Variants in KBTBD13 observed in about 807,000 individuals in gnomAD.
KBTBD13 encodes kelch repeat and BTB domain-containing protein 13.
A neutral mutation model predicts 25.4 loss-of-function variants in KBTBD13; 32 were observed. The ratio of observed to expected loss-of-function variants is 1.26; its 90% CI spans 0.95 to 1.69. KBTBD13 has a LOEUF of 1.69. Ranked by LOEUF, KBTBD13 falls within the 40% of genes most tolerant of loss-of-function variation. KBTBD13 has a pLI of 0.00. For synonymous variants in KBTBD13, 436 were observed against 329.8 expected, an observed-to-expected ratio of 1.32 and a Z score of -3.49; for missense variants, 898 against 679.5, an observed-to-expected ratio of 1.32 and a Z score of -3.57.
At position 65,077,789 on chromosome 15, in the gene KBTBD13, T is replaced by C; in HGVS notation, c.974T>C (p.Val325Ala). The change falls in exon 1 of 1, where the codon GTG (valine) becomes GCG (alanine). Residue 325 changes from valine (V) to alanine (A), a missense_variant. Physicochemically the swap from Val to Ala is moderately conservative, Grantham distance 64. Transcript: ENST00000432196. ...ADTTAVVEYA[V>A]RTDAWLPVAE... ...ACCACCGCCGTGGTGGAGTACGCAG[T>C]GCGGACCGACGCGTGGCTGCCAGTG... The C allele has an allele frequency of 1.3e-6, 2 of 1,590,650 alleles. No individual in the cohort carries two copies. Among genetic ancestry groups the C allele is most frequent in the Non-Finnish European group, 1.7e-6 (2 of 1,173,524 alleles).
rs748475145 is a variant in KBTBD13, at chr15:65,077,731, C to T, written c.916C>T (p.Arg306Cys). The T allele has an allele frequency of 7.6e-6, 12 of 1,583,492 alleles. No individual in the cohort carries two copies. Among genetic ancestry groups the T allele is most frequent in the East Asian group, 2.3e-5 (1 of 43,572 alleles). Residue 306 changes from arginine (R) to cysteine (C), a missense_variant, in exon 1 of 1, where the codon CGT becomes TGT. Physicochemically the swap from Arg to Cys is radical, Grantham distance 180. Coordinates refer to ENST00000432196, the MANE Select transcript of KBTBD13 (RefSeq NM_001101362.3). ...CGTGCCCTGCGCCCAGGCTTGTGGC[C>T]GTCTCTTCGTGTGCCTGTGGCGGCC... ...AGVPCAQACGRLFVCLWRPAD... is the reference protein window; with the variant it reads ...AGVPCAQACGCLFVCLWRPAD...
rs898286877 is a variant in KBTBD13, at chr15:65,079,734, G to A, written c.*1542G>A. On this transcript the variant is annotated 3_prime_UTR_variant, in exon 1 of 1. Coordinates refer to ENST00000432196, the MANE Select transcript of KBTBD13 (RefSeq NM_001101362.3). Reference sequence around the variant, plus strand: ...ATCCCCCAGGACCTGAGGCCCATGGGGAATCTTGGCCTCGTCAGAAGTGGA... The same window carrying A: ...ATCCCCCAGGACCTGAGGCCCATGGAGAATCTTGGCCTCGTCAGAAGTGGA... Among the ~76,000 whole-genome samples, 1 of 152,154 alleles carries A rather than the reference G, an allele frequency of 6.6e-6. No individual in the cohort carries two copies. Among genetic ancestry groups the A allele is most frequent in the Non-Finnish European group, 1.5e-5 (1 of 68,034 alleles).
Position 65,077,665 on chromosome 15 carries a change from T to G in KBTBD13, c.850T>G (p.Cys284Gly), listed in dbSNP as rs979976514. ...SVERYDPAAG[C>G]WSFVADLPQP... is the part of the protein sequence containing the mutation. Reference sequence around the variant, plus strand: ...GGAGCGCTACGACCCAGCCGCGGGCTGCTGGAGTTTCGTGGCCGACCTGCC... The same window carrying G: ...GGAGCGCTACGACCCAGCCGCGGGCGGCTGGAGTTTCGTGGCCGACCTGCC... Residue 284 changes from cysteine to glycine, a missense_variant, in exon 1 of 1, where the codon TGC becomes GGC. Physicochemically the swap from Cys to Gly is radical, Grantham distance 159. Transcript: ENST00000432196. The G allele has an allele frequency of 6.3e-7, 1 of 1,586,030 alleles. No individual in the cohort carries two copies. Among genetic ancestry groups the G allele is most frequent in the African/African-American group, 1.3e-5 (1 of 74,294 alleles).
At position 65,077,089 on chromosome 15, in the gene KBTBD13, G is replaced by T. The variant is rs2086982120; in HGVS notation, c.274G>T (p.Ala92Ser). 3 of 1,522,254 alleles carry T rather than the reference G, an allele frequency of 2.0e-6. No homozygotes were observed. The highest frequency in any genetic ancestry group is 2.0e-5 in the Admixed American group (1 of 49,566). 94.3% of individuals were successfully genotyped at this position (1,522,254 alleles called of 1,614,324 possible). The change falls in exon 1 of 1, where the codon GCG (alanine) becomes TCG (serine). Residue 92 changes from alanine (A) to serine (S), a missense_variant. Coordinates refer to ENST00000432196, the MANE Select transcript of KBTBD13 (RefSeq NM_001101362.3). ...VECAAFLQAP[A>S]LARFLEHNLT... ...GTGCGCCGCCTTCCTCCAGGCGCCG[G>T]CGCTGGCTCGCTTTCTGGAGCACAA...
In KBTBD13 at chr15:65,077,100, CT is replaced by C. The variant is rs1284785323; in HGVS notation, c.288del (p.Leu97TrpfsTer64). The C allele has an allele frequency of 9.8e-6, 15 of 1,523,148 alleles. No individual in the cohort carries two copies. The highest frequency in any genetic ancestry group is 1.4e-5 in the African/African-American group (1 of 70,926). 94.4% of individuals were successfully genotyped at this position (1,523,148 alleles called of 1,614,324 possible). On this transcript the variant is annotated frameshift_variant, in exon 1 of 1. Transcript: ENST00000432196. LOFTEE classifies it high-confidence loss of function. ...AFLQAPALARFLEHNLTSDNC... is the reference protein window; with the variant it reads ...AFLQAPALARXLEHNLTSDNC... Reference sequence around the variant, plus strand: ...TCCTCCAGGCGCCGGCGCTGGCTCGCTTTCTGGAGCACAACCTCACGTCGGA... The same window carrying C: ...TCCTCCAGGCGCCGGCGCTGGCTCGCTTCTGGAGCACAACCTCACGTCGGA...
rs775832821 is a variant in KBTBD13 at position 65,077,832 on chromosome 15, G to A, written c.1017G>A (p.Pro339=). The change falls in exon 1 of 1, where the codon CCG becomes CCA. Residue 339 remains proline, a synonymous_variant. Coordinates refer to ENST00000432196, the MANE Select transcript of KBTBD13 (RefSeq NM_001101362.3). ...TGCCAGTGGCCGAGCTGCGGCGTCC[G>A]CAGAGCTATGGCCACTGCATGGTGG... ...AWLPVAELRR[P]QSYGHCMVAH... The A allele has an allele frequency of 6.2e-6, 10 of 1,608,412 alleles. No homozygotes were observed. The highest frequency in any genetic ancestry group is 8.5e-6 in the Non-Finnish European group (10 of 1,179,352).
Position 65,077,827 on chromosome 15 carries a change from C to T in KBTBD13, c.1012C>T (p.Arg338Cys), listed in dbSNP as rs774318509. The change falls in exon 1 of 1, where the codon CGT becomes TGT. Residue 338 changes from arginine to cysteine, a missense_variant. Arg to Cys is a radical substitution (Grantham distance 180). Transcript: ENST00000432196. ...GTGGCTGCCAGTGGCCGAGCTGCGG[C>T]GTCCGCAGAGCTATGGCCACTGCAT... ...DAWLPVAELR[R>C]PQSYGHCMVA... 1.9e-6 allele frequency: 3 copies of T among 1,607,228 alleles called. No individual in the cohort carries two copies. Among genetic ancestry groups the T allele is most frequent in the South Asian group, 2.2e-5 (2 of 90,702 alleles).
Position 65,077,027 on chromosome 15 carries a change from C to A in KBTBD13, c.212C>A (p.Ala71Glu), listed in dbSNP as rs759104102. The A allele has an allele frequency of 6.7e-7, 1 of 1,498,390 alleles. No homozygotes were observed. Among genetic ancestry groups the A allele is most frequent in the South Asian group, 1.3e-5 (1 of 79,006 alleles). The allele number at this position is 1,498,390 out of a possible 1,614,324, so 92.8% of individuals were successfully genotyped here. The change falls in exon 1 of 1, where the codon GCG becomes GAG. Residue 71 changes from alanine to glutamate, a missense_variant. By Grantham distance (107) the Ala-to-Glu change is moderately radical. Transcript: ENST00000432196. Reference sequence around the variant, plus strand: ...CAGGTGCTGCGCGGCGACCGGCCGGCGCTGGCGGCGGAGGACGAGCTGCTG... The same window carrying A: ...CAGGTGCTGCGCGGCGACCGGCCGGAGCTGGCGGCGGAGGACGAGCTGCTG... The part of the protein sequence containing the change: ...TLQVLRGDRP[A>E]LAAEDELLQA...
Position 65,078,261 on chromosome 15 carries a change from G to A in KBTBD13, c.*69G>A. 1 of 1,496,726 alleles carries A rather than the reference G, an allele frequency of 6.7e-7. No homozygotes were observed. Among genetic ancestry groups the A allele is most frequent in the South Asian group, 1.3e-5 (1 of 77,960 alleles). The allele number at this position is 1,496,726 out of a possible 1,614,324, so 92.7% of individuals were successfully genotyped here. On this transcript the variant is annotated 3_prime_UTR_variant, in exon 1 of 1. Transcript: ENST00000432196. The stretch of plus-strand genomic sequence containing the variant: ...CCTGAGCTATGGCTGAGTGTGTGAG[G>A]CCGGCCTTAGAAGTAGCTGGCAACT...
In KBTBD13 at chr15:65,078,204, G is replaced by A; in HGVS notation, c.*12G>A. The A allele has an allele frequency of 1.3e-6, 2 of 1,532,984 alleles. No homozygotes were observed. Among genetic ancestry groups the A allele is most frequent in the Middle Eastern group, 1.7e-4 (1 of 5,974 alleles). The allele number at this position is 1,532,984 out of a possible 1,614,324, so 95.0% of individuals were successfully genotyped here. ...CGGCAGAACTGTGACCTCTGGGCTG[G>A]CTTTAGGAGGGAGGAGACGCCGCGA... On this transcript the variant is annotated 3_prime_UTR_variant, in exon 1 of 1. Coordinates refer to ENST00000432196, the MANE Select transcript of KBTBD13 (RefSeq NM_001101362.3).
chr15:65,078,251 A>T lies in KBTBD13; in HGVS notation c.*59A>T, dbSNP rs1461345744. 1 of 1,509,758 alleles carries T rather than the reference A, an allele frequency of 6.6e-7. No homozygotes were observed. 93.5% of individuals were successfully genotyped at this position (1,509,758 alleles called of 1,614,324 possible). On this transcript the variant is annotated 3_prime_UTR_variant, in exon 1 of 1. Transcript: ENST00000432196. ...GCGACTCCTCCCTGAGCTATGGCTG[A>T]GTGTGTGAGGCCGGCCTTAGAAGTA...
In KBTBD13 at chr15:65,077,397, C is replaced by T. The variant is rs1184536215; in HGVS notation, c.582C>T (p.Pro194=). 4.6e-6 allele frequency: 7 copies of T among 1,522,264 alleles called. No individual in the cohort carries two copies. Among genetic ancestry groups the T allele is most frequent in the East Asian group, 2.5e-5 (1 of 40,112 alleles). 94.3% of individuals were successfully genotyped at this position (1,522,264 alleles called of 1,614,324 possible). A position where few individuals can be genotyped will look rare whatever the true frequency, so the allele number is the denominator to read the frequency against. The change falls in exon 1 of 1, where the codon CCC becomes CCT. Residue 194 remains proline (P), a synonymous_variant. Coordinates refer to ENST00000432196, the MANE Select transcript of KBTBD13 (RefSeq NM_001101362.3). ...EDAWRTLAAL[P]LEASTLLAGV... ...CGTGGCGCACGCTGGCTGCGCTGCCCCTGGAGGCCAGCACGTTGCTGGCCG... is the reference window on the plus strand; with the variant it reads ...CGTGGCGCACGCTGGCTGCGCTGCCTCTGGAGGCCAGCACGTTGCTGGCCG...
Position 65,077,189 on chromosome 15 carries a change from C to G in KBTBD13, c.374C>G (p.Ala125Gly), listed in dbSNP as rs575149903. 2 of 1,480,436 alleles carry G rather than the reference C, an allele frequency of 1.4e-6. No individual in the cohort carries two copies. Among genetic ancestry groups the G allele is most frequent in the South Asian group, 2.6e-5 (2 of 78,154 alleles). The allele number at this position is 1,480,436 out of a possible 1,614,324, so 91.7% of individuals were successfully genotyped here. A position where few individuals can be genotyped will look rare whatever the true frequency, so the allele number is the denominator to read the frequency against. Reference sequence around the variant, plus strand: ...GGCCTGCGCGACGTGTTCCACAGTGCCGCGCTCTTCATCTGCGACGGCGAG... The same window carrying G: ...GGCCTGCGCGACGTGTTCCACAGTGGCGCGCTCTTCATCTGCGACGGCGAG... ...AFGLRDVFHS[A>G]ALFICDGERE... is the part of the protein sequence containing the mutation. The change falls in exon 1 of 1, where the codon GCC (alanine) becomes GGC (glycine). Residue 125 changes from alanine to glycine, a missense_variant. By Grantham distance (60) the Ala-to-Gly change is moderately conservative. Transcript: ENST00000432196.
chr15:65,077,594 T>A lies in KBTBD13; in HGVS notation c.779T>A (p.Leu260His). 1 of 1,574,034 alleles carries A rather than the reference T, an allele frequency of 6.4e-7. No homozygotes were observed. Among genetic ancestry groups the A allele is most frequent in the Non-Finnish European group, 8.6e-7 (1 of 1,167,388 alleles). The change falls in exon 1 of 1, where the codon CTC becomes CAC. Residue 260 changes from leucine (L) to histidine (H), a missense_variant. Transcript: ENST00000432196. ...DTALAGFDGR[L>H]YAIGGEFQRT... ...GCGCTGGCCGGCTTCGACGGCCGCC[T>A]CTACGCCATCGGCGGCGAATTCCAG... is the stretch of plus-strand genomic sequence containing the variant.
chr15:65,076,974 G>A lies in KBTBD13; in HGVS notation c.159G>A (p.Leu53=). 1 of 1,542,976 alleles carries A rather than the reference G, an allele frequency of 6.5e-7. No individual in the cohort carries two copies. The highest frequency in any genetic ancestry group is 2.4e-5 in the East Asian group (1 of 41,458). Residue 53 remains leucine (L), a synonymous_variant, in exon 1 of 1, where the codon CTG becomes CTA. Transcript: ENST00000432196. ...TRAAEVRLGV[L]SAGGFRATLQ... is the part of the protein sequence containing the mutation. ...CAGCAGAGGTGCGCCTGGGCGTTCT[G>A]AGCGCGGGAGGTTTCCGCGCCACGC...
chr15:65,077,890 G>T lies in KBTBD13; in HGVS notation c.1075G>T (p.Gly359Ter), dbSNP rs1425410896. The change falls in exon 1 of 1, where the codon GGA becomes TGA. Residue 359 changes from glycine (G) to a stop codon, truncating the protein, a stop_gained. Transcript: ENST00000432196. LOFTEE classifies it high-confidence loss of function. ...HRDSLYVVRNGPSDDFLHCAI... is the reference protein window; with the variant it reads ...HRDSLYVVRN ...CGACAGCCTCTATGTGGTGCGCAACGGACCTTCCGACGACTTCCTGCACTG... is the reference window on the plus strand; with the variant it reads ...CGACAGCCTCTATGTGGTGCGCAACTGACCTTCCGACGACTTCCTGCACTG... 2 of 1,611,776 alleles carry T rather than the reference G, an allele frequency of 1.2e-6. No individual in the cohort carries two copies. Among genetic ancestry groups the T allele is most frequent in the East Asian group, 4.5e-5 (2 of 44,882 alleles).
Position 65,077,632 on chromosome 15 carries a change from A to G in KBTBD13, c.817A>G (p.Ser273Gly). 1.3e-6 allele frequency: 2 copies of G among 1,590,074 alleles called. No individual in the cohort carries two copies. The highest frequency in any genetic ancestry group is 8.5e-7 in the Non-Finnish European group (1 of 1,174,460). Residue 273 changes from serine to glycine, a missense_variant, in exon 1 of 1, where the codon AGC becomes GGC. Transcript: ENST00000432196. ...CGGCGAATTCCAGAGGACGCCCATC[A>G]GCTCCGTGGAGCGCTACGACCCAGC... is the stretch of plus-strand genomic sequence containing the variant. ...IGGEFQRTPI[S>G]SVERYDPAAG...
rs1002641714 is a variant in KBTBD13, at chr15:65,077,707, G to A, written c.892G>A (p.Val298Met). The change falls in exon 1 of 1, where the codon GTG becomes ATG. Residue 298 changes from valine to methionine, a missense_variant. By Grantham distance (21) the Val-to-Met change is conservative. Transcript: ENST00000432196. Reference protein sequence around the residue: ...VADLPQPAAGVPCAQACGRLF... With the variant: ...VADLPQPAAGMPCAQACGRLF... ...CGACCTGCCGCAGCCGGCCGCCGGC[G>A]TGCCCTGCGCCCAGGCTTGTGGCCG... is the stretch of plus-strand genomic sequence containing the variant. 6.3e-6 allele frequency: 10 copies of A among 1,582,626 alleles called. No individual in the cohort carries two copies. The highest frequency in any genetic ancestry group is 7.7e-6 in the Non-Finnish European group (9 of 1,169,262).
rs2086987170 is a variant in KBTBD13, at chr15:65,077,254, GC to G, written c.441del (p.Tyr148ThrfsTer13). 8 of 1,409,092 alleles carry G rather than the reference GC, an allele frequency of 5.7e-6. No homozygotes were observed. In the East Asian group the frequency reaches 2.3e-4, roughly 41 times the overall value. 87.3% of individuals were successfully genotyped at this position (1,409,092 alleles called of 1,614,324 possible). A position where few individuals can be genotyped will look rare whatever the true frequency, so the allele number is the denominator to read the frequency against. On this transcript the variant is annotated frameshift_variant, in exon 1 of 1. Coordinates refer to ENST00000432196, the MANE Select transcript of KBTBD13 (RefSeq NM_001101362.3). LOFTEE classifies it high-confidence loss of function. Reference sequence around the variant, plus strand: ...CGAACTGGCGCTGCCTGAGGCCCGCGCCTACGTGGCGGCCCTGCGGCCCAGC... The same window carrying G: ...CGAACTGGCGCTGCCTGAGGCCCGCGCTACGTGGCGGCCCTGCGGCCCAGC... ...AAELALPEAR[A>X]YVAALRPSSY...
Sources: allele counts gnomAD v4.1 joint callset (sites outside exome capture counted in the v4.1 genomes callset), GRCh38; gene constraint gnomAD v4.1.1; transcripts MANE v1.5; gene names NCBI Gene and HGNC (gene_info 2026-07-23, HGNC 2026-07-21).